ANK2: variants seen among roughly 807,000 people sequenced by gnomAD.
ANK2 encodes the protein ankyrin-2.
Under a neutral mutation model 360.5 loss-of-function variants are expected in ANK2, and 83 were observed. The observed-to-expected ratio is 0.23, with a 90% confidence interval of 0.19 to 0.28. ANK2 has a LOEUF of 0.28. ANK2 is among the 10% of genes least tolerant of loss of function. The probability of loss-of-function intolerance (pLI) is 1.00; values close to 1 mark genes in which losing one functional copy is unlikely to be tolerated. For missense variants in ANK2, 4,201 were observed against 4,795.7 expected (o/e 0.88, Z 3.66); for synonymous variants, 1,740 against 1,759.5 (o/e 0.99, Z 0.28).
chr4:113,365,027 C>T lies in ANK2; in HGVS notation c.10889-12C>T, dbSNP rs1251938818. ...CTCAGACATAATAAATGCTGTTTCT[C>T]TAATGTGTCAGATACCAACCTCGTT... On this transcript the variant is annotated splice_polypyrimidine_tract_variant and intron_variant, in intron 40 of 45. Coordinates refer to ENST00000357077, the MANE Select transcript of ANK2 (RefSeq NM_001148.6). 1.2e-6 allele frequency: 2 copies of T among 1,613,536 alleles called. No homozygotes were observed. The highest frequency in any genetic ancestry group is 2.2e-5 in the East Asian group (1 of 44,882).
At chr4:113,177,170 C>T (rs558495511) in intron 2 of ANK2, among the ~76,000 whole-genome samples, 10 of 152,118 alleles carry the variant, frequency 6.6e-5, no homozygotes, top group Admixed American at 6.5e-4. Context: ...GGCTTCGTCC[C>T]CTGGGGTTCA....
At chr4:112,799,823 CT>C in the ANK2 span, among the ~76,000 whole-genome samples, 22,724 of 125,926 alleles carry the variant, frequency 0.18, 1,665 homozygotes, top group African/African-American at 0.32. Flanking sequence ...CAGCCCACCT[CT>C]TTTTTTTTTT....
chr4:112,793,511 A>C, the ANK2 span, among the ~76,000 whole-genome samples: 382 of 152,224 alleles, frequency 2.5e-3, 3 homozygotes, highest in African/African-American at 8.5e-3. Flanking sequence ...ACCCCTGTTA[A>C]TAATTTTGTC....
chr4:112,764,482 C>G, the ANK2 span, among the ~76,000 whole-genome samples: 1 of 149,696 alleles, frequency 6.7e-6, no homozygotes, highest in East Asian at 2.0e-4. Flanking sequence ...ATTATAGGTG[C>G]CCGCCACCAA....
the ANK2 span, among the ~76,000 whole-genome samples, chr4:112,757,699 C>G: frequency 6.6e-6 from 1 of 152,126 alleles, no homozygotes; most frequent in Admixed American, 6.5e-5. Context: ...AATCATGAAG[C>G]TTTTGACTCA....
chr4:113,262,090 A>G (rs2053245113), intron 13 of ANK2, among the ~76,000 whole-genome samples: 1 of 152,168 alleles, frequency 6.6e-6, no homozygotes, highest in Non-Finnish European at 1.5e-5. Context: ...AAAATTTGTC[A>G]TTACATAGGA....
chr4:113,089,551 G>A (rs1012697199), intron 1 of ANK2, among the ~76,000 whole-genome samples: 1 of 152,222 alleles, frequency 6.6e-6, no homozygotes. Flanking sequence ...TGAAGGCCAG[G>A]CATGGTGGCT....
intron 39 of ANK2, among the ~76,000 whole-genome samples, chr4:113,363,020 G>T (rs758366533): frequency 2.7e-4 from 41 of 152,082 alleles, no homozygotes; most frequent in Admixed American, 2.0e-3. Flanking sequence ...TTGCTTAAAA[G>T]TATAAGCAAG....
intron 9 of ANK2, 64 bp from the exon 10 acceptor site, chr4:113,249,700 C>CAATAGATGA: frequency 6.8e-7 from 1 of 1,472,652 alleles, no homozygotes; most frequent in Non-Finnish European, 9.4e-7. Flanking sequence ...TTTATGGTTG[C>CAATAGATGA]AATAGATGAA....
chr4:112,722,328 A>G, the ANK2 span, among the ~76,000 whole-genome samples: 3 of 152,144 alleles, frequency 2.0e-5, no homozygotes, highest in Admixed American at 1.3e-4. Context: ...CAGCTCTTTG[A>G]TGCAAGATCC....
In ANK2 at chr4:113,355,006, A is replaced by G. The variant is rs1276905342; in HGVS notation, c.6388A>G (p.Arg2130Gly). ...CATGGATCTACAGATCAGCCCAGAT[A>G]GGAAAACCTCCACTGACTTCTCTGA... ...GDMDLQISPD[R>G]KTSTDFSEVI... Residue 2130 changes from arginine (R) to glycine (G), a missense_variant, in exon 38 of 46, where the codon AGG becomes GGG. Physicochemically the swap from Arg to Gly is moderately radical, Grantham distance 125. Around this residue, in one of 4 missense-constraint regions of ANK2, gnomAD observed 2,642 missense variants for 2,714.5 expected, o/e 0.97. Transcript: ENST00000357077. The G allele has an allele frequency of 6.2e-7, 1 of 1,614,018 alleles. No homozygotes were observed. The highest frequency in any genetic ancestry group is 8.5e-7 in the Non-Finnish European group (1 of 1,180,002).
intron 13 of ANK2, among the ~76,000 whole-genome samples, chr4:113,261,907 G>C (rs1228550086): frequency 3.9e-5 from 6 of 152,284 alleles, no homozygotes; most frequent in African/African-American, 1.4e-4. Context: ...AAACATGAAG[G>C]CCAAGCGTGG....
At chr4:112,780,374 G>T in the ANK2 span, among the ~76,000 whole-genome samples, 64 of 152,176 alleles carry the variant, frequency 4.2e-4, no homozygotes, top group African/African-American at 1.3e-3. Flanking sequence ...CCAGTAAGAC[G>T]CTTTTGTTTC....
At chr4:113,061,830 C>T (rs1382270912) in intron 1 of ANK2, among the ~76,000 whole-genome samples, 1 of 152,044 alleles carries the variant, frequency 6.6e-6, no homozygotes, top group African/African-American at 2.4e-5. Context: ...TGTAATTGTA[C>T]ATTTAAAAAT....
the ANK2 span, among the ~76,000 whole-genome samples, chr4:112,796,096 G>A: frequency 6.6e-6 from 1 of 152,098 alleles, no homozygotes; most frequent in Admixed American, 6.6e-5. Context: ...CACAGCACCT[G>A]GCTGAGATGA....
intron 40 of ANK2, among the ~76,000 whole-genome samples, chr4:113,364,233 A>C (rs1041420081): frequency 2.0e-5 from 3 of 152,216 alleles, no homozygotes; most frequent in African/African-American, 7.2e-5. Flanking sequence ...ATGTATGTGT[A>C]ACTCACTTTC....
the ANK2 span, among the ~76,000 whole-genome samples, chr4:112,775,057 G>C: frequency 6.6e-6 from 1 of 152,100 alleles, no homozygotes; most frequent in Middle Eastern, 3.2e-3. Flanking sequence ...TGTGATGGAT[G>C]CTTTTGTGTT....
intron 14 of ANK2, among the ~76,000 whole-genome samples, chr4:113,267,885 T>C (rs1012288807): frequency 6.6e-5 from 10 of 152,216 alleles, no homozygotes; most frequent in Non-Finnish European, 1.3e-4. Flanking sequence ...TCCATGAGCA[T>C]GGAATGTTTT....
At position 113,361,118 on chromosome 4, in the gene ANK2, T is replaced by A. The variant is rs554751376; in HGVS notation, c.10756+221T>A. ...AATTTAGAATAATAGAACTTTCTAT[T>A]TGAAGATTTAGAGAATATACCAACA... is the stretch of plus-strand genomic sequence containing the variant. On this transcript the variant is annotated intron_variant, in intron 39 of 45. Transcript: ENST00000357077. Among the ~76,000 whole-genome samples the A allele has an allele frequency of 1.9e-3, 286 of 152,346 alleles. 1 individual carries two copies. The highest frequency in any genetic ancestry group is 6.3e-3 in the African/African-American group (261 of 41,588).
Sources: allele counts gnomAD v4.1 joint callset (sites outside exome capture counted in the v4.1 genomes callset), GRCh38; gene constraint gnomAD v4.1.1; regional missense constraint gnomAD v4.1.1; transcripts MANE v1.5; gene names NCBI Gene and HGNC (gene_info 2026-07-23, HGNC 2026-07-21).